Variants in PCDHGA7 observed in about 807,000 individuals in gnomAD.
PCDHGA7 encodes the protein protocadherin gamma-A7.
Under a neutral mutation model 58.3 loss-of-function variants are expected in PCDHGA7, and 44 were observed. That is an observed-to-expected ratio of 0.75 (90% CI 0.59 to 0.97). The LOEUF is 0.97. Among genes scored for constraint, PCDHGA7 ranks in the 50% least tolerant of loss-of-function variants. The probability of loss-of-function intolerance (pLI) is 0.00; values close to 1 mark genes in which losing one functional copy is unlikely to be tolerated. For missense variants in PCDHGA7, 1,266 were observed against 1,188.7 expected, an observed-to-expected ratio of 1.06 and a Z score of -0.96; for synonymous variants, 516 against 504.2, an observed-to-expected ratio of 1.02 and a Z score of -0.31.
In PCDHGA7 at chr5:141,404,317, C is replaced by T. The variant is rs375857083; in HGVS notation, c.2424+18994C>T. On this transcript the variant is annotated intron_variant, in intron 1 of 3. Transcript: ENST00000518325. ...ATAATCCACCTGCTTTCTCTCAAGC[C>T]TCCTACTCAGTCTACCTCCCGGAAA... 6.2e-6 allele frequency: 10 copies of T among 1,613,780 alleles called. No homozygotes were observed. In the African/African-American group the frequency reaches 1.2e-4, roughly 19 times the overall value.
At chr5:141,422,900 A>G (rs2096684887) in intron 1 of PCDHGA7, 2 of 1,614,220 alleles carry the variant, frequency 1.2e-6, no homozygotes, top group South Asian at 2.2e-5. Flanking sequence ...GACCAGAACG[A>G]CAATGCGCCC....
At chr5:141,427,087 A>G (rs1338132084) in intron 1 of PCDHGA7, 1 of 458,198 alleles carries the variant, frequency 2.2e-6, no homozygotes, top group Non-Finnish European at 4.4e-6. Flanking sequence ...ACTGACCAGG[A>G]TGAGGGTGTC....
Position 141,490,943 on chromosome 5 carries a change from G to A in PCDHGA7, c.2425-3864G>A, listed in dbSNP as rs1035375216. The A allele has an allele frequency of 6.8e-6, 11 of 1,613,470 alleles. No homozygotes were observed. The East Asian group carries it at 1.1e-4, about 16-fold the overall frequency. On this transcript the variant is annotated intron_variant, in intron 1 of 3. Coordinates refer to ENST00000518325, the MANE Select transcript of PCDHGA7 (RefSeq NM_018920.4). This position sits in a 1 kb window ranked among gnomAD's most constrained non-coding sequence, Gnocchi z 5.4. Reference sequence around the variant, plus strand: ...AATGCCCCAGCTGTGCTGCACCCACGGCCAGACTGGGAACACTCAGCCCCC... The same window carrying A: ...AATGCCCCAGCTGTGCTGCACCCACAGCCAGACTGGGAACACTCAGCCCCC...
At chr5:141,436,256 C>T (rs953463822) in intron 1 of PCDHGA7, among the ~76,000 whole-genome samples, 1 of 152,100 alleles carries the variant, frequency 6.6e-6, no homozygotes, top group South Asian at 2.1e-4. Context: ...TTATTCTGAC[C>T]TCTGCTCACC....
intron 1 of PCDHGA7, among the ~76,000 whole-genome samples, chr5:141,400,831 C>CT (rs1457237248): frequency 1.3e-5 from 2 of 152,146 alleles, no homozygotes; most frequent in Admixed American, 6.5e-5. Flanking sequence ...TTGTCTCATT[C>CT]TTTAACATGT....
chr5:141,434,621 G>A (rs980508411), intron 1 of PCDHGA7, among the ~76,000 whole-genome samples: 1 of 151,966 alleles, frequency 6.6e-6, no homozygotes, highest in Non-Finnish European at 1.5e-5. Flanking sequence ...CCATCTCTTC[G>A]TTTCCCATAA....
rs2094486958 is a variant in PCDHGA7, at chr5:141,404,117, A to C, written c.2424+18794A>C. 3 of 1,613,468 alleles carry C rather than the reference A, an allele frequency of 1.9e-6. No homozygotes were observed. Among genetic ancestry groups the C allele is most frequent in the Non-Finnish European group, 1.7e-6 (2 of 1,179,548 alleles). On this transcript the variant is annotated intron_variant, in intron 1 of 3. Coordinates refer to ENST00000518325, the MANE Select transcript of PCDHGA7 (RefSeq NM_018920.4). ...TCAAGTTGTCTGTTCTATCCAGGAG[A>C]ATCTATCTTTTACATTAGAAAATTC...
chr5:141,411,001 C>G lies in PCDHGA7; in HGVS notation c.2424+25678C>G, dbSNP rs2095456042. 1.8e-5 allele frequency: 3 copies of G among 168,822 alleles called. No individual in the cohort carries two copies. The South Asian group carries it at 4.7e-4, about 26-fold the overall frequency. The allele number at this position is 168,822 out of a possible 1,614,324, so 10.5% of individuals were successfully genotyped here. ...CCCAAGTAGCTGGGATTACTGGTGC[C>G]CCTCACCACAGCTAAATTTTTTGTA... On this transcript the variant is annotated intron_variant, in intron 1 of 3. Coordinates refer to ENST00000518325, the MANE Select transcript of PCDHGA7 (RefSeq NM_018920.4).
At position 141,432,001 on chromosome 5, in the gene PCDHGA7, G is replaced by T. The variant is rs755338230; in HGVS notation, c.2424+46678G>T. On this transcript the variant is annotated intron_variant, in intron 1 of 3. Coordinates refer to ENST00000518325, the MANE Select transcript of PCDHGA7 (RefSeq NM_018920.4). This position sits in a 1 kb window ranked among gnomAD's most constrained non-coding sequence, Gnocchi z 6.0. Reference sequence around the variant, plus strand: ...CAGACATAGTCTTGGATAGGGAACAGGTTCCTAGCTACAACATCACAGTGA... The same window carrying T: ...CAGACATAGTCTTGGATAGGGAACATGTTCCTAGCTACAACATCACAGTGA... 4 of 1,614,220 alleles carry T rather than the reference G, an allele frequency of 2.5e-6. No homozygotes were observed. In the East Asian group the frequency reaches 8.9e-5, roughly 36 times the overall value.
At position 141,511,519 on chromosome 5, in the gene PCDHGA7, C is replaced by A; in HGVS notation, c.*346C>A. On this transcript the variant is annotated 3_prime_UTR_variant, in exon 4 of 4. Transcript: ENST00000518325. ...CCAAATCAATCAGGCCCATCCATCC[C>A]ATGCCTCCCTCCTCCCCACCCCACT... 2.7e-6 allele frequency: 1 copy of A among 367,516 alleles called. No individual in the cohort carries two copies. The highest frequency in any genetic ancestry group is 2.7e-5 in the South Asian group (1 of 36,848). 22.8% of individuals were successfully genotyped at this position (367,516 alleles called of 1,614,324 possible). A position where few individuals can be genotyped will look rare whatever the true frequency, so the allele number is the denominator to read the frequency against.
At chr5:141,498,429 G>T (rs1595525351) in intron 2 of PCDHGA7, among the ~76,000 whole-genome samples, 1 of 152,290 alleles carries the variant, frequency 6.6e-6, no homozygotes, top group East Asian at 1.9e-4. Flanking sequence ...GGAGTGAGGG[G>T]ATGAAGAGGA....
chr5:141,490,042 G>C lies in PCDHGA7; in HGVS notation c.2425-4765G>C. 1 of 1,614,266 alleles carries C rather than the reference G, an allele frequency of 6.2e-7. No individual in the cohort carries two copies. Among genetic ancestry groups the C allele is most frequent in the Non-Finnish European group, 8.5e-7 (1 of 1,180,038 alleles). The stretch of plus-strand genomic sequence containing the variant: ...TCTGCTGCTCCGCCTCAATGCCACT[G>C]ATCCAGACGAGGGCACCAACGGCCA... On this transcript the variant is annotated intron_variant, in intron 1 of 3. Coordinates refer to ENST00000518325, the MANE Select transcript of PCDHGA7 (RefSeq NM_018920.4). This position sits in a 1 kb window ranked among gnomAD's most constrained non-coding sequence, Gnocchi z 5.4.
At chr5:141,415,881 T>C (rs1589997447) in intron 1 of PCDHGA7, 1 of 1,003,346 alleles carries the variant, frequency 1.0e-6, no homozygotes, top group Non-Finnish European at 1.3e-6. Context: ...GAGTACAATA[T>C]TGACAATTCC....
rs776721321 is a variant in PCDHGA7, at chr5:141,431,084, C to A, written c.2424+45761C>A. ...CAAGTGTCAATTAAATCTAGACATT[C>A]TGATGGAGGATAAAGTGAAAATATA... is the stretch of plus-strand genomic sequence containing the variant. On this transcript the variant is annotated intron_variant, in intron 1 of 3. Coordinates refer to ENST00000518325, the MANE Select transcript of PCDHGA7 (RefSeq NM_018920.4). This position sits in a 1 kb window ranked among gnomAD's most constrained non-coding sequence, Gnocchi z 4.8. The A allele has an allele frequency of 1.2e-6, 2 of 1,614,060 alleles. No homozygotes were observed. Among genetic ancestry groups the A allele is most frequent in the Non-Finnish European group, 1.7e-6 (2 of 1,180,002 alleles).
chr5:141,443,217 G>A (rs1447455858), intron 1 of PCDHGA7, among the ~76,000 whole-genome samples: 8 of 151,656 alleles, frequency 5.3e-5, no homozygotes, highest in African/African-American at 2.4e-5. Flanking sequence ...CTCGCCAGGC[G>A]CATCTATAAT....
chr5:141,423,264 C>T (rs1452323474), intron 1 of PCDHGA7: 6 of 1,613,868 alleles, frequency 3.7e-6, no homozygotes, highest in Non-Finnish European at 5.1e-6. Context: ...TCGGCAGCCT[C>T]GAGTCTCTGG....
rs140459920 is a variant in PCDHGA7, at chr5:141,386,998, C to T, written c.2424+1675C>T. ...TGTGTTTTGAGGCTATGTATTATCCCCCTGATAACTTTGAAGATGAATGTT... is the reference window on the plus strand; with the variant it reads ...TGTGTTTTGAGGCTATGTATTATCCTCCTGATAACTTTGAAGATGAATGTT... On this transcript the variant is annotated intron_variant, in intron 1 of 3. Coordinates refer to ENST00000518325, the MANE Select transcript of PCDHGA7 (RefSeq NM_018920.4). Among the ~76,000 whole-genome samples, 1,144 of 152,176 alleles carry T rather than the reference C, an allele frequency of 7.5e-3. 3 individuals are homozygous for T. The highest frequency in any genetic ancestry group is 0.012 in the Non-Finnish European group (791 of 68,006).
intron 1 of PCDHGA7, among the ~76,000 whole-genome samples, chr5:141,447,143 T>G (rs1484774611): frequency 2.6e-5 from 4 of 152,132 alleles, no homozygotes; most frequent in Admixed American, 6.6e-5. Flanking sequence ...TTGTTTTTTG[T>G]TTTTGTTTTT....
chr5:141,409,248 T>A (rs779725312), intron 1 of PCDHGA7: 3 of 1,614,032 alleles, frequency 1.9e-6, no homozygotes, highest in South Asian at 2.2e-5. Context: ...GAAATAATCA[T>A]CACTTCTCTC....
Sources: allele counts gnomAD v4.1 joint callset (sites outside exome capture counted in the v4.1 genomes callset), GRCh38; gene constraint gnomAD v4.1.1; non-coding constraint Gnocchi (gnomAD v3.1); transcripts MANE v1.5; gene names NCBI Gene and HGNC (gene_info 2026-07-23, HGNC 2026-07-21).